Variants in PPP1R13B observed in about 807,000 individuals in gnomAD.
PPP1R13B encodes the protein protein phosphatase 1 regulatory subunit 13B, also known as apoptosis-stimulating of p53 protein 1.
PPP1R13B carries 44 observed loss-of-function variants against 119.8 expected under a neutral mutation model. The ratio of observed to expected loss-of-function variants is 0.37; its 90% CI spans 0.29 to 0.47. The LOEUF (loss-of-function observed/expected upper bound fraction) is 0.47. Among genes scored for constraint, PPP1R13B ranks in the 20% least tolerant of loss-of-function variants. The probability of loss-of-function intolerance (pLI) is 0.99; values close to 1 mark genes in which losing one functional copy is unlikely to be tolerated. For synonymous variants in PPP1R13B, 542 were observed against 561.5 expected (o/e 0.97, Z 0.49); for missense variants, 1,227 against 1,413.5 (o/e 0.87, Z 2.12).
At chr14:103,805,400 G>A (rs1184271433) in intron 1 of PPP1R13B, among the ~76,000 whole-genome samples, 3 of 151,776 alleles carry the variant, frequency 2.0e-5, no homozygotes, top group East Asian at 1.9e-4. Flanking sequence ...ACAAAACCCC[G>A]CCTCTACAAA....
rs1358860704 is a variant in PPP1R13B at position 103,736,060 on chromosome 14, C to A, written c.3174G>T (p.Glu1058Asp). The change falls in exon 16 of 17, where the codon GAG (glutamate) becomes GAT (aspartate). Residue 1058 changes from glutamate to aspartate, a missense_variant. Glu to Asp is a conservative substitution (Grantham distance 45). Transcript: ENST00000202556. ...GGTCTCCAAGGCGAGCCCACCACCA[C>A]TCAGTCTCGCTTTCGTCCTTGCGCC... is the stretch of plus-strand genomic sequence containing the variant. ...ILRRKDESET[E>D]WWWARLGDRE... 1 of 1,614,238 alleles carries A rather than the reference C, an allele frequency of 6.2e-7. No individual in the cohort carries two copies. Among genetic ancestry groups the A allele is most frequent in the Non-Finnish European group, 8.5e-7 (1 of 1,180,048 alleles).
At chr14:103,736,357 G>C (rs1340660707) in intron 15 of PPP1R13B, 155 bp from the exon 16 acceptor site, 1 of 746,682 alleles carries the variant, frequency 1.3e-6, no homozygotes, top group African/African-American at 1.7e-5. Flanking sequence ...TTGAAGACTA[G>C]GGCCCCCACC....
At chr14:103,746,587 T>G in intron 8 of PPP1R13B, 34 bp from the exon 9 acceptor site, 1 of 1,517,348 alleles carries the variant, frequency 6.6e-7, no homozygotes, top group Non-Finnish European at 9.0e-7. Flanking sequence ...GTCAAGATTC[T>G]CCTACATTCA....
Position 103,741,942 on chromosome 14 carries a change from A to C in PPP1R13B, c.1670T>G (p.Leu557Arg). Residue 557 changes from leucine (L) to arginine (R), a missense_variant, in exon 11 of 17, where the codon CTG becomes CGG. Transcript: ENST00000202556. ...LPLTVAIRPF[L>R]ADKGSRPQSP... ...CTGTGGCCTTGACCCTTTATCAGCC[A>C]GGAAAGGCCTAATGGCCACTGTCAG... 2.5e-6 allele frequency: 4 copies of C among 1,614,258 alleles called. No homozygotes were observed. The highest frequency in any genetic ancestry group is 3.4e-6 in the Non-Finnish European group (4 of 1,180,056).
chr14:103,756,774 TTTGAGATGGAGTCTC>T (rs1224301313), intron 5 of PPP1R13B, among the ~76,000 whole-genome samples: 1 of 152,126 alleles, frequency 6.6e-6, no homozygotes, highest in African/African-American at 2.4e-5. Context: ...TTTTTTTTCT[TTTGAGATGGAGTCTC>T]GCTCTGTTGC....
Position 103,735,185 on chromosome 14 carries a change from C to T in PPP1R13B, c.3242G>A (p.Arg1081Gln), listed in dbSNP as rs2084064333. Reference sequence around the variant, plus strand: ...GAGTGTTCGCTGTCGGGGTTTGATCCGTGGATACAGCTGGGAAGCAACGGA... The same window carrying T: ...GAGTGTTCGCTGTCGGGGTTTGATCTGTGGATACAGCTGGGAAGCAACGGA... ...VPKNLLGLYPRIKPRQRTLA is the reference protein window; with the variant it reads ...VPKNLLGLYPQIKPRQRTLA The change falls in exon 17 of 17, where the codon CGG (arginine) becomes CAG (glutamine). Residue 1081 changes from arginine to glutamine, a missense_variant. Transcript: ENST00000202556. 1.2e-6 allele frequency: 2 copies of T among 1,613,932 alleles called. No homozygotes were observed. The highest frequency in any genetic ancestry group is 1.3e-5 in the African/African-American group (1 of 74,868).
In PPP1R13B at chr14:103,733,228, A is replaced by C. The variant is rs1389983892; in HGVS notation, c.*1926T>G. On this transcript the variant is annotated 3_prime_UTR_variant, in exon 17 of 17. Transcript: ENST00000202556. Reference sequence around the variant, plus strand: ...TGCTTTAAACAGCTTCATGTTTTAGAATTTGTGTATTGTCAATACTTAATT... The same window carrying C: ...TGCTTTAAACAGCTTCATGTTTTAGCATTTGTGTATTGTCAATACTTAATT... The C allele has an allele frequency of 1.6e-6, 1 of 625,910 alleles. No homozygotes were observed. Among genetic ancestry groups the C allele is most frequent in the African/African-American group, 1.9e-5 (1 of 54,038 alleles). 38.8% of individuals were successfully genotyped at this position (625,910 alleles called of 1,614,324 possible).
chr14:103,831,437 G>A (rs145254575), intron 1 of PPP1R13B, among the ~76,000 whole-genome samples: 4 of 150,094 alleles, frequency 2.7e-5, no homozygotes, highest in Admixed American at 6.6e-5. Context: ...AGCCTCCCCA[G>A]TAGCTGGCAT....
chr14:103,843,951 C>CAAA (rs35687195), intron 1 of PPP1R13B, among the ~76,000 whole-genome samples: 39 of 132,592 alleles, frequency 2.9e-4, no homozygotes, highest in East Asian at 2.4e-3. Context: ...GACTCCGTCT[C>CAAA]AAAAAAAAAA....
chr14:103,823,968 C>T (rs746866731), intron 1 of PPP1R13B, among the ~76,000 whole-genome samples: 1 of 151,660 alleles, frequency 6.6e-6, no homozygotes, highest in Non-Finnish European at 1.5e-5. Flanking sequence ...CACAATGAGG[C>T]CACATGAAGT....
At chr14:103,811,300 A>G (rs1337148679) in intron 1 of PPP1R13B, among the ~76,000 whole-genome samples, 2 of 152,100 alleles carry the variant, frequency 1.3e-5, no homozygotes, top group Admixed American at 6.6e-5. Flanking sequence ...AGAACAATAT[A>G]TAACAGTTAT....
chr14:103,818,354 C>T (rs2086327046), intron 1 of PPP1R13B: 1 of 419,724 alleles, frequency 2.4e-6, no homozygotes, highest in Non-Finnish European at 3.2e-6. Context: ...TTTGAAGACA[C>T]TACTGATTAA....
chr14:103,795,594 A>G (rs1458375684), intron 2 of PPP1R13B, among the ~76,000 whole-genome samples: 1 of 152,202 alleles, frequency 6.6e-6, no homozygotes, highest in Non-Finnish European at 1.5e-5. Flanking sequence ...TTATTCCCTT[A>G]CAATGGGAAG....
At chr14:103,753,923 T>C in intron 6 of PPP1R13B, 147 bp downstream of exon 6, 2 of 1,005,508 alleles carry the variant, frequency 2.0e-6, no homozygotes, top group South Asian at 1.7e-5. Context: ...CCACCCATCC[T>C]TTTAGATGCA....
In PPP1R13B at chr14:103,784,660, G is replaced by A. The variant is rs1378657392; in HGVS notation, c.277+135C>T. ...CACTAACAGAAGCCAAAGTAACATG[G>A]GATACCAACTTTCCCTCTAGCCACT... On this transcript the variant is annotated intron_variant, in intron 3 of 16. Coordinates refer to ENST00000202556, the MANE Select transcript of PPP1R13B (RefSeq NM_015316.3). 5.7e-6 allele frequency: 4 copies of A among 696,224 alleles called. No homozygotes were observed. In the East Asian group the frequency reaches 1.1e-4, roughly 20 times the overall value. The allele number at this position is 696,224 out of a possible 1,614,324, so 43.1% of individuals were successfully genotyped here.
intron 1 of PPP1R13B, among the ~76,000 whole-genome samples, chr14:103,811,421 G>A (rs965795437): frequency 2.6e-5 from 4 of 152,120 alleles, no homozygotes; most frequent in Non-Finnish European, 2.9e-5. Context: ...CCAGCACTTC[G>A]GGATGTCTGT....
intron 4 of PPP1R13B, among the ~76,000 whole-genome samples, chr14:103,767,519 G>A (rs995024953): frequency 1.8e-4 from 28 of 151,748 alleles, no homozygotes; most frequent in African/African-American, 6.3e-4. Context: ...TCTCATTCCC[G>A]TCCTGCTCTT....
chr14:103,768,967 T>C (rs1008318811), intron 4 of PPP1R13B, among the ~76,000 whole-genome samples: 5 of 152,226 alleles, frequency 3.3e-5, no homozygotes, highest in Admixed American at 6.5e-5. Context: ...ACCAAATGTC[T>C]AGTATCTTAT....
intron 4 of PPP1R13B, 111 bp downstream of exon 4, chr14:103,778,634 G>T: frequency 1.2e-6 from 1 of 812,988 alleles, no homozygotes; most frequent in Non-Finnish European, 2.1e-6. Flanking sequence ...TCAAACTCCT[G>T]CCCTCATGTG....
Sources: gnomAD v4.1 joint callset for allele counts (sites outside exome capture counted in the v4.1 genomes callset) on GRCh38, gnomAD v4.1.1 for gene constraint, MANE v1.5 for transcripts, NCBI Gene and HGNC (gene_info 2026-07-23, HGNC 2026-07-21) for gene names.